The following CCDC170 variants were observed in gnomAD, a reference collection of about 807,000 sequenced individuals.
CCDC170 encodes coiled-coil domain-containing protein 170.
CCDC170 carries 69 observed loss-of-function variants against 72.6 expected under a neutral mutation model. That is an observed-to-expected ratio of 0.95 (90% CI 0.78 to 1.16). The LOEUF (loss-of-function observed/expected upper bound fraction) is 1.16, where lower values mean the gene tolerates loss of function less well. CCDC170 is among the 50% of genes most tolerant of loss of function. The pLI, the probability that CCDC170 is intolerant of heterozygous loss-of-function variation, is 0.00. For missense variants in CCDC170, 852 were observed against 832.5 expected, an observed-to-expected ratio of 1.02 and a Z score of -0.29; for synonymous variants, 300 against 303.9, an observed-to-expected ratio of 0.99 and a Z score of 0.13.
chr6:151,499,089 G>A (rs1781951799), intron 1 of CCDC170, among the ~76,000 whole-genome samples: 1 of 140,080 alleles, frequency 7.1e-6, no homozygotes, highest in African/African-American at 2.8e-5. Context: ...GAATCAGACT[G>A]TATTTGACTA....
At chr6:151,591,517 C>T (rs978194482) in intron 7 of CCDC170, among the ~76,000 whole-genome samples, 2 of 150,774 alleles carry the variant, frequency 1.3e-5, no homozygotes, top group African/African-American at 2.4e-5. Context: ...TTTTTTGAGG[C>T]GGAGTCTTGC....
intron 9 of CCDC170, among the ~76,000 whole-genome samples, chr6:151,609,972 T>C (rs936632927): frequency 6.6e-6 from 1 of 152,366 alleles, no homozygotes; most frequent in Middle Eastern, 3.4e-3. Flanking sequence ...CTTTGGTAGA[T>C]AGCCCACTGT....
At chr6:151,581,448 C>T (rs1037206786) in intron 6 of CCDC170, among the ~76,000 whole-genome samples, 1 of 152,182 alleles carries the variant, frequency 6.6e-6, no homozygotes. Flanking sequence ...TACAGCAATT[C>T]AGTCACATCT....
chr6:151,520,700 C>G (rs1782302919), intron 1 of CCDC170, among the ~76,000 whole-genome samples: 1 of 152,198 alleles, frequency 6.6e-6, no homozygotes, highest in African/African-American at 2.4e-5. Flanking sequence ...AGACCCTGCA[C>G]TTGATGGATC....
At chr6:151,588,952 C>G (rs2115108846) in intron 7 of CCDC170, among the ~76,000 whole-genome samples, 1 of 151,720 alleles carries the variant, frequency 6.6e-6, no homozygotes, top group Non-Finnish European at 1.5e-5. Flanking sequence ...AACAAACAAA[C>G]AAACAAAAAA....
At chr6:151,595,120 C>T (rs1308546485) in intron 8 of CCDC170, among the ~76,000 whole-genome samples, 1 of 152,148 alleles carries the variant, frequency 6.6e-6, no homozygotes. Flanking sequence ...TTTACAAGTG[C>T]AGAGTAGATA....
chr6:151,599,048 G>A (rs1284257038), intron 9 of CCDC170, among the ~76,000 whole-genome samples: 1 of 152,152 alleles, frequency 6.6e-6, no homozygotes, highest in Admixed American at 6.5e-5. Context: ...TTAAAGAAAT[G>A]GAAACCAGTG....
chr6:151,568,428 G>T (rs976436010), intron 5 of CCDC170, among the ~76,000 whole-genome samples: 1 of 152,186 alleles, frequency 6.6e-6, no homozygotes, highest in African/African-American at 2.4e-5. Context: ...AGTTTGGGAA[G>T]GGGGGAATGG....
At chr6:151,612,987 C>G (rs1300653408) in intron 9 of CCDC170, among the ~76,000 whole-genome samples, 1 of 152,046 alleles carries the variant, frequency 6.6e-6, no homozygotes, top group African/African-American at 2.4e-5. Flanking sequence ...CTATTCATTC[C>G]TTACTGATAT....
chr6:151,588,842 G>A (rs1776492237), intron 7 of CCDC170, among the ~76,000 whole-genome samples: 1 of 152,082 alleles, frequency 6.6e-6, no homozygotes, highest in African/African-American at 2.4e-5. Context: ...CTGGGAGGCT[G>A]AGATGGGAGG....
At chr6:151,541,906 G>T (rs1206513196) in intron 3 of CCDC170, among the ~76,000 whole-genome samples, 1 of 140,958 alleles carries the variant, frequency 7.1e-6, no homozygotes. Context: ...TTAAGACAGA[G>T]TCTTGCTTTG....
chr6:151,595,757 T>C (rs531259618), intron 8 of CCDC170, among the ~76,000 whole-genome samples: 141 of 152,208 alleles, frequency 9.3e-4, no homozygotes, highest in Non-Finnish European at 1.7e-3. Flanking sequence ...AGGGAGAGGC[T>C]GCAGTGAGCT....
At chr6:151,604,181 T>TC (rs770151931) in intron 9 of CCDC170, among the ~76,000 whole-genome samples, 1 of 152,112 alleles carries the variant, frequency 6.6e-6, no homozygotes, top group Non-Finnish European at 1.5e-5. Flanking sequence ...TCTTTATATC[T>TC]CCCACACAAG....
intron 7 of CCDC170, among the ~76,000 whole-genome samples, chr6:151,592,040 G>A (rs1476847675): frequency 6.6e-6 from 1 of 152,048 alleles, no homozygotes; most frequent in East Asian, 1.9e-4. Context: ...ATGGGTGGGT[G>A]TGTTAGTCCA....
At chr6:151,517,826 T>C (rs1350968512) in intron 1 of CCDC170, among the ~76,000 whole-genome samples, 3 of 152,144 alleles carry the variant, frequency 2.0e-5, no homozygotes, top group Non-Finnish European at 4.4e-5. Flanking sequence ...GGTCTACCTC[T>C]AGGAAGTGTA....
At chr6:151,613,002 A>G (rs1776899070) in intron 9 of CCDC170, among the ~76,000 whole-genome samples, 1 of 152,020 alleles carries the variant, frequency 6.6e-6, no homozygotes, top group African/African-American at 2.4e-5. Flanking sequence ...TGATATGTTT[A>G]TTTATTTATT....
At chr6:151,571,007 T>A (rs1412838440) in intron 5 of CCDC170, among the ~76,000 whole-genome samples, 1 of 152,192 alleles carries the variant, frequency 6.6e-6, no homozygotes, top group Non-Finnish European at 1.5e-5. Context: ...TAACTACATA[T>A]CTACTCTGTG....
At chr6:151,537,999 T>C (rs1464473308) in intron 2 of CCDC170, 46 bp from the exon 3 acceptor site, 3 of 1,539,400 alleles carry the variant, frequency 1.9e-6, no homozygotes, top group Admixed American at 4.4e-5. Context: ...AATTCAAACT[T>C]ATGTTGTTAA....
chr6:151,592,230 C>T (rs745692960), intron 7 of CCDC170, among the ~76,000 whole-genome samples: 42 of 152,122 alleles, frequency 2.8e-4, no homozygotes, highest in African/African-American at 8.7e-4. Context: ...CATGGTGGCA[C>T]GTGCCTGTAA....
Sources: allele counts gnomAD v4.1 joint callset (sites outside exome capture counted in the v4.1 genomes callset), GRCh38; gene constraint gnomAD v4.1.1; transcripts MANE v1.5; gene names NCBI Gene and HGNC (gene_info 2026-07-23, HGNC 2026-07-21).